Variants in DLG2 observed in about 807,000 individuals in gnomAD.
The protein encoded by DLG2 is discs large MAGUK scaffold protein 2, also known as disks large homolog 2.
Under a neutral mutation model 132.5 loss-of-function variants are expected in DLG2, and 45 were observed. The observed-to-expected ratio is 0.34, with a 90% CI of 0.27 to 0.44. DLG2 has a LOEUF of 0.44. DLG2 is among the 20% of genes least tolerant of loss of function. DLG2 has a pLI of 1.00. For synonymous variants in DLG2, 424 were observed against 419.6 expected (o/e 1.01, Z -0.13); for missense variants, 1,045 against 1,196.9 (o/e 0.87, Z 1.87).
chr11:84,502,342 CTT>C (rs1396200378), intron 7 of DLG2, among the ~76,000 whole-genome samples: 4 of 37,832 alleles, frequency 1.1e-4, no homozygotes, highest in South Asian at 8.5e-4. Context: ...TTCTTTCTTT[CTT>C]TCTTTCTTTC....
intron 6 of DLG2, among the ~76,000 whole-genome samples, chr11:84,676,624 C>G (rs1315055187): frequency 1.3e-5 from 2 of 152,040 alleles, no homozygotes; most frequent in Admixed American, 6.6e-5. Context: ...GAAATATTAA[C>G]TAATTCATAA....
chr11:85,316,140 T>C (rs956860730), intron 3 of DLG2, among the ~76,000 whole-genome samples: 4 of 151,954 alleles, frequency 2.6e-5, no homozygotes, highest in Non-Finnish European at 4.4e-5. Context: ...TTTTAAAGAA[T>C]GTGAATCCAG....
At chr11:84,341,944 G>T (rs1445452288) in intron 7 of DLG2, among the ~76,000 whole-genome samples, 1 of 152,226 alleles carries the variant, frequency 6.6e-6, no homozygotes, top group East Asian at 1.9e-4. Flanking sequence ...TAGTGGAGGA[G>T]ATATGACATT....
At chr11:85,045,988 C>G (rs1240312567) in intron 6 of DLG2, among the ~76,000 whole-genome samples, 1 of 152,010 alleles carries the variant, frequency 6.6e-6, no homozygotes, top group Non-Finnish European at 1.5e-5. Context: ...TCATCTAAAA[C>G]TAGGCCTACA....
chr11:84,993,973 G>A (rs1211185302), intron 6 of DLG2, among the ~76,000 whole-genome samples: 1 of 152,102 alleles, frequency 6.6e-6, no homozygotes, highest in Non-Finnish European at 1.5e-5. Context: ...AACCACCGTG[G>A]CACATGTAAA....
At chr11:84,484,666 C>T (rs531720440) in intron 7 of DLG2, among the ~76,000 whole-genome samples, 7 of 152,212 alleles carry the variant, frequency 4.6e-5, no homozygotes, top group East Asian at 3.9e-4. Context: ...TCCCCAATTT[C>T]GACTGGCTCT....
chr11:85,299,154 C>T (rs983319223), intron 3 of DLG2, among the ~76,000 whole-genome samples: 1 of 152,256 alleles, frequency 6.6e-6, no homozygotes. Context: ...ATCTCATTTA[C>T]TATTCCCAAT....
At chr11:83,595,627 G>A (rs901648710) in intron 19 of DLG2, among the ~76,000 whole-genome samples, 2 of 152,208 alleles carry the variant, frequency 1.3e-5, no homozygotes, top group African/African-American at 4.8e-5. Flanking sequence ...TGCTGTTACT[G>A]ATGCGGTCTC....
At chr11:85,422,445 A>G (rs1473052027) in intron 3 of DLG2, among the ~76,000 whole-genome samples, 2 of 148,156 alleles carry the variant, frequency 1.3e-5, no homozygotes, top group Non-Finnish European at 3.0e-5. Context: ...CAAGCTCTAA[A>G]TTTCTTTCTT....
At chr11:84,906,123 C>G (rs765967804) in intron 6 of DLG2, among the ~76,000 whole-genome samples, 6 of 151,606 alleles carry the variant, frequency 4.0e-5, no homozygotes, top group Admixed American at 1.3e-4. Flanking sequence ...TAAATATTTA[C>G]CTTAGGAATA....
intron 17 of DLG2, among the ~76,000 whole-genome samples, chr11:83,809,576 T>C (rs770985708): frequency 2.6e-5 from 4 of 152,196 alleles, no homozygotes; most frequent in Non-Finnish European, 5.9e-5. Flanking sequence ...TTCTAAATTC[T>C]ATATTTGCTC....
At chr11:85,149,271 T>C (rs546807462) in intron 5 of DLG2, among the ~76,000 whole-genome samples, 61 of 152,336 alleles carry the variant, frequency 4.0e-4, no homozygotes, top group African/African-American at 1.4e-3. Context: ...GTAGTTTTTT[T>C]CTAATTCTGT....
intron 4 of DLG2, among the ~76,000 whole-genome samples, chr11:85,179,534 G>C (rs1279295740): frequency 6.6e-6 from 1 of 151,696 alleles, no homozygotes; most frequent in Non-Finnish European, 1.5e-5. Context: ...ATAATATATA[G>C]ATTATTATGT....
At chr11:85,002,493 C>T (rs1321574176) in intron 6 of DLG2, among the ~76,000 whole-genome samples, 1 of 152,150 alleles carries the variant, frequency 6.6e-6, no homozygotes, top group Non-Finnish European at 1.5e-5. Flanking sequence ...TCTACAATCT[C>T]TCCATGATAA....
chr11:84,619,263 A>C (rs763370112), intron 6 of DLG2, among the ~76,000 whole-genome samples: 5 of 151,964 alleles, frequency 3.3e-5, no homozygotes, highest in Admixed American at 6.6e-5. Flanking sequence ...ACCTGGCTCA[A>C]ACAAATAAAT....
chr11:85,187,146 T>C (rs951618315), intron 4 of DLG2, among the ~76,000 whole-genome samples: 3 of 152,218 alleles, frequency 2.0e-5, no homozygotes, highest in South Asian at 2.1e-4. Flanking sequence ...GTGGCAATAC[T>C]GAATATTACT....
chr11:84,516,022 A>C (rs1398245573), intron 7 of DLG2, among the ~76,000 whole-genome samples: 1 of 151,684 alleles, frequency 6.6e-6, no homozygotes, highest in Non-Finnish European at 1.5e-5. Context: ...AAAAATTAAA[A>C]TATCTGTTGA....
At chr11:84,646,700 C>G (rs1472827349) in intron 6 of DLG2, among the ~76,000 whole-genome samples, 3 of 142,414 alleles carry the variant, frequency 2.1e-5, no homozygotes, top group South Asian at 4.5e-4. Context: ...AGATTTTACA[C>G]TTAAAAAAAA....
chr11:85,304,049 C>T (rs959543581), intron 3 of DLG2, among the ~76,000 whole-genome samples: 1 of 152,034 alleles, frequency 6.6e-6, no homozygotes, highest in Non-Finnish European at 1.5e-5. Context: ...TAGACAATCC[C>T]AAATACATAA....
Sources: allele counts gnomAD v4.1 joint callset (sites outside exome capture counted in the v4.1 genomes callset), GRCh38; gene constraint gnomAD v4.1.1; transcripts MANE v1.5; gene names NCBI Gene and HGNC (gene_info 2026-07-23, HGNC 2026-07-21).